Variants in ASB2 observed in about 807,000 individuals in gnomAD.
The protein encoded by ASB2 is ankyrin repeat and SOCS box containing 2.
In ASB2, 58 loss-of-function variants were observed where a neutral mutation model predicts 62.4. The ratio of observed to expected loss-of-function variants is 0.93; its 90% CI spans 0.75 to 1.16. The LOEUF is 1.16. Among genes scored for constraint, ASB2 ranks in the 50% most tolerant of loss-of-function variants. The pLI, the probability that ASB2 is intolerant of heterozygous loss-of-function variation, is 0.00. For synonymous variants in ASB2, 386 were observed against 385.3 expected (o/e 1.00, Z -0.02); for missense variants, 928 against 887.9 (o/e 1.05, Z -0.57).
chr14:93,958,167 G>A lies in ASB2; in HGVS notation c.207-1297C>T, dbSNP rs72700336. Among the ~76,000 whole-genome samples the A allele has an allele frequency of 2.7e-3, 405 of 152,286 alleles. 1 individual carries two copies. Among genetic ancestry groups the A allele is most frequent in the Non-Finnish European group, 4.6e-3 (314 of 68,022 alleles). On this transcript the variant is annotated intron_variant, in intron 2 of 9. Coordinates refer to ENST00000555019, the MANE Select transcript of ASB2 (RefSeq NM_001202429.2). ...CCTTCCTCATCCTCGCCGCTGTCACGCCCTCCCACCTGCCTTCTCCCATCC... is the reference window on the plus strand; with the variant it reads ...CCTTCCTCATCCTCGCCGCTGTCACACCCTCCCACCTGCCTTCTCCCATCC...
In ASB2 at chr14:93,937,757, G is replaced by C. The variant is rs201903938; in HGVS notation, c.1712C>G (p.Ser571Trp). ...GCTGTCGATGTGTTCCTTCAGCCGCGAGCAGAGCTGCACGTTGCCCACGTA... is the reference window on the plus strand; with the variant it reads ...GCTGTCGATGTGTTCCTTCAGCCGCCAGCAGAGCTGCACGTTGCCCACGTA... ...LDYVGNVQLC[S>W]RLKEHIDSFE... Residue 571 changes from serine (S) to tryptophan (W), a missense_variant, in exon 9 of 10, where the codon TCG (serine) becomes TGG (tryptophan). By Grantham distance (177) the Ser-to-Trp change is radical (BLOSUM62 -3). Transcript: ENST00000555019. The C allele has an allele frequency of 1.8e-5, 29 of 1,613,220 alleles. No homozygotes were observed. In the East Asian group the frequency reaches 3.6e-4, roughly 20 times the overall value.
intron 7 of ASB2, 95 bp from the exon 8 acceptor site, chr14:93,939,767 C>T (rs1888446854): frequency 7.6e-6 from 8 of 1,049,842 alleles, no homozygotes; most frequent in Non-Finnish European, 8.9e-6. Flanking sequence ...GCGCCAGGCT[C>T]GGCTGGTCGC....
chr14:93,950,079 C>G (rs1352640659), intron 6 of ASB2, among the ~76,000 whole-genome samples: 1 of 152,202 alleles, frequency 6.6e-6, no homozygotes, highest in Non-Finnish European at 1.5e-5. Context: ...GTTAACCTCT[C>G]TGAACCTCAG....
rs11621009 is a variant in ASB2, at chr14:93,964,532, G to T, written c.8C>A (p.Thr3Lys). The T allele has an allele frequency of 2.3e-5, 35 of 1,536,010 alleles. 1 individual carries two copies. In the South Asian group the frequency reaches 3.8e-4, roughly 17 times the overall value. The change falls in exon 2 of 10, where the codon ACG becomes AAG. Residue 3 changes from threonine to lysine, a missense_variant. By Grantham distance (78) the Thr-to-Lys change is moderately conservative (BLOSUM62 -1). Transcript: ENST00000555019. ...CTGGCTGCCCCGAGTGCTGATCTGC[G>T]TGGCCATCCTCCTCCACCTCTCACC... MA[T>K]QISTRGSQCT...
chr14:93,948,012 A>AAAG (rs1888805786), intron 6 of ASB2, among the ~76,000 whole-genome samples: 8 of 149,816 alleles, frequency 5.3e-5, no homozygotes, highest in Non-Finnish European at 8.9e-5. Context: ...AAAAAAAAAA[A>AAAG]AAAAAAGACC....
chr14:93,975,088 C>T (rs960369411), intron 1 of ASB2, among the ~76,000 whole-genome samples: 3 of 152,264 alleles, frequency 2.0e-5, no homozygotes, highest in African/African-American at 7.2e-5. Context: ...CGAGCATCTG[C>T]CACTGTCTGC....
At chr14:93,941,465 T>C (rs1888517737) in intron 7 of ASB2, 3 of 354,650 alleles carry the variant, frequency 8.5e-6, no homozygotes, top group Non-Finnish European at 1.7e-5. Flanking sequence ...ATTATGATTG[T>C]TAGTGATGCT....
intron 6 of ASB2, chr14:93,948,446 G>A (rs758462152): frequency 6.6e-6 from 1 of 152,424 alleles, no homozygotes; most frequent in South Asian, 2.1e-4. Context: ...ATTATTAATT[G>A]CAATTTGCTA....
At chr14:93,959,895 A>G (rs1353306623) in intron 2 of ASB2, among the ~76,000 whole-genome samples, 6 of 151,930 alleles carry the variant, frequency 3.9e-5, no homozygotes, top group Non-Finnish European at 8.8e-5. Context: ...GCACCTTAAT[A>G]GAGGAGGGAG....
intron 8 of ASB2, among the ~76,000 whole-genome samples, chr14:93,938,761 GGA>G (rs1164784851): frequency 6.6e-6 from 1 of 152,160 alleles, no homozygotes; most frequent in Non-Finnish European, 1.5e-5. Flanking sequence ...CCAACGCAGT[GGA>G]CCACAAGAAG....
At chr14:93,954,828 C>T (rs184762149) in intron 3 of ASB2, among the ~76,000 whole-genome samples, 46 of 152,330 alleles carry the variant, frequency 3.0e-4, no homozygotes, top group African/African-American at 9.9e-4. Flanking sequence ...TTACCAGGCA[C>T]GCCCATCTCG....
chr14:93,960,699 C>G (rs1247689962), intron 2 of ASB2, among the ~76,000 whole-genome samples: 1 of 152,144 alleles, frequency 6.6e-6, no homozygotes, highest in Admixed American at 6.5e-5. Flanking sequence ...TGATCCTCAT[C>G]AAATTCTGTG....
At chr14:93,966,412 C>CT (rs1234742848) in intron 1 of ASB2, among the ~76,000 whole-genome samples, 2 of 152,224 alleles carry the variant, frequency 1.3e-5, no homozygotes, top group Non-Finnish European at 2.9e-5. Flanking sequence ...CTATGGAAGA[C>CT]TTTCCTTTCT....
chr14:93,943,864 T>A (rs1888624306), intron 7 of ASB2: 2 of 450,672 alleles, frequency 4.4e-6, no homozygotes, highest in Non-Finnish European at 8.9e-6. Context: ...ATGTGTTAAG[T>A]GTTCTCTATT....
intron 1 of ASB2, among the ~76,000 whole-genome samples, chr14:93,969,346 C>T (rs892210923): frequency 2.0e-5 from 3 of 152,184 alleles, no homozygotes; most frequent in African/African-American, 7.2e-5. Flanking sequence ...GTGGAGCCAG[C>T]CTGACTGAGT....
At position 93,951,136 on chromosome 14, in the gene ASB2, C is replaced by A. The variant is rs767336140; in HGVS notation, c.743G>T (p.Arg248Leu). 9 of 1,614,064 alleles carry A rather than the reference C, an allele frequency of 5.6e-6. No individual in the cohort carries two copies. Among genetic ancestry groups the A allele is most frequent in the African/African-American group, 2.7e-5 (2 of 74,944 alleles). The change falls in exon 6 of 10, where the codon CGC (arginine) becomes CTC (leucine). Residue 248 changes from arginine (R) to leucine (L), a missense_variant. Transcript: ENST00000555019. ...GWTALHESVS[R>L]NDLEVMQILV... ...GATCTGCATGACCTCCAGGTCATTG[C>A]GAGACACAGACTCGTGCAGAGCGGT...
At chr14:93,953,166 C>A (rs1889034266) in intron 5 of ASB2, among the ~76,000 whole-genome samples, 186 bp downstream of exon 5, 1 of 152,228 alleles carries the variant, frequency 6.6e-6, no homozygotes. Context: ...AGCATCCTGG[C>A]CCATGGGATG....
chr14:93,964,312 T>G lies in ASB2; in HGVS notation c.206+22A>C, dbSNP rs146866297. 7.2e-5 allele frequency: 110 copies of G among 1,535,064 alleles called. No individual in the cohort carries two copies. The African/African-American group carries it at 1.2e-3, about 17-fold the overall frequency. On this transcript the variant is annotated intron_variant, in intron 2 of 9. Coordinates refer to ENST00000555019, the MANE Select transcript of ASB2 (RefSeq NM_001202429.2). Reference sequence around the variant, plus strand: ...GATGTCCTGGATGGCCCCACTTCCCTCATCAGCCTCGCCTTGCTCACCTGG... The same window carrying G: ...GATGTCCTGGATGGCCCCACTTCCCGCATCAGCCTCGCCTTGCTCACCTGG...
chr14:93,948,248 C>T (rs988787656), intron 6 of ASB2: 1 of 154,344 alleles, frequency 6.5e-6, no homozygotes, highest in Non-Finnish European at 1.5e-5. Flanking sequence ...TCAGACCACC[C>T]ATTTCATAAA....
Sources: gnomAD v4.1 joint callset for allele counts (sites outside exome capture counted in the v4.1 genomes callset) on GRCh38, gnomAD v4.1.1 for gene constraint, MANE v1.5 for transcripts, NCBI Gene and HGNC (gene_info 2026-07-23, HGNC 2026-07-21) for gene names.